Variants in GRID1 observed in about 807,000 individuals in gnomAD.
GRID1 encodes the protein glutamate receptor ionotropic, delta-1.
Under a neutral mutation model 98.0 loss-of-function variants are expected in GRID1, and 28 were observed. The ratio of observed to expected loss-of-function variants is 0.29; its 90% CI spans 0.21 to 0.39. The LOEUF (loss-of-function observed/expected upper bound fraction) is 0.39, where lower values mean the gene tolerates loss of function less well. GRID1 is among the 10% of genes least tolerant of loss of function. GRID1 has a pLI of 1.00. For missense variants in GRID1, 1,111 were observed against 1,340.5 expected, an observed-to-expected ratio of 0.83 and a Z score of 2.67; for synonymous variants, 553 against 538.5, an observed-to-expected ratio of 1.03 and a Z score of -0.37.
chr10:85,755,717 G>A (rs1393357120), intron 8 of GRID1, among the ~76,000 whole-genome samples: 1 of 152,096 alleles, frequency 6.6e-6, no homozygotes, highest in African/African-American at 2.4e-5. Context: ...ACTCTGCTGG[G>A]GCCATAAGCA....
chr10:86,242,550 T>A (rs530646682), intron 2 of GRID1, among the ~76,000 whole-genome samples: 1 of 152,300 alleles, frequency 6.6e-6, no homozygotes, highest in East Asian at 1.9e-4. Context: ...CAGGGGGTAC[T>A]TTTAAAACTT....
chr10:85,686,658 T>C (rs975360475), intron 12 of GRID1, among the ~76,000 whole-genome samples: 1 of 152,106 alleles, frequency 6.6e-6, no homozygotes, highest in African/African-American at 2.4e-5. Flanking sequence ...ATGATACATA[T>C]ATTAAATATA....
At chr10:86,253,532 G>A (rs1032753652) in intron 2 of GRID1, among the ~76,000 whole-genome samples, 3 of 152,094 alleles carry the variant, frequency 2.0e-5, no homozygotes, top group South Asian at 2.1e-4. Flanking sequence ...GTACATTGCC[G>A]CTCCCCAGCC....
chr10:86,289,871 G>A (rs35332217), intron 2 of GRID1, among the ~76,000 whole-genome samples: 15,947 of 152,262 alleles, frequency 0.1, 981 homozygotes, highest in Middle Eastern at 0.17. Flanking sequence ...TACTTGTGCT[G>A]AGACTGTGGA....
chr10:85,973,686 C>G (rs1469313964), intron 4 of GRID1, among the ~76,000 whole-genome samples: 1 of 152,114 alleles, frequency 6.6e-6, no homozygotes, highest in Non-Finnish European at 1.5e-5. Flanking sequence ...TAATAAGACA[C>G]TGAATGGAAA....
chr10:85,820,310 G>T (rs564375706), intron 8 of GRID1, among the ~76,000 whole-genome samples: 73 of 152,188 alleles, frequency 4.8e-4, no homozygotes, highest in African/African-American at 1.6e-3. Context: ...GGAGGAAAGA[G>T]CCACGATGAC....
intron 3 of GRID1, among the ~76,000 whole-genome samples, chr10:86,197,735 A>G (rs532643092): frequency 2.4e-4 from 37 of 151,990 alleles, no homozygotes; most frequent in Non-Finnish European, 5.3e-4. Context: ...GCATCTCCTC[A>G]TGTCTCCAGA....
intron 2 of GRID1, among the ~76,000 whole-genome samples, chr10:86,313,406 G>A (rs1212116772): frequency 2.0e-5 from 3 of 152,136 alleles, no homozygotes; most frequent in Non-Finnish European, 4.4e-5. Context: ...ACTAATTTAT[G>A]GGTCTGGAAT....
Position 86,348,178 on chromosome 10 carries a change from C to A in GRID1, c.235+15763G>T, listed in dbSNP as rs554951752. On this transcript the variant is annotated intron_variant, in intron 2 of 15. Coordinates refer to ENST00000327946, the MANE Select transcript of GRID1 (RefSeq NM_017551.3). ...ACTTGTCAGAGGTCCAGTCAGGCAG[C>A]CACTCAACAAACATTTGCTCCACCC... Among the ~76,000 whole-genome samples the A allele has an allele frequency of 3.9e-5, 6 of 152,306 alleles. No individual in the cohort carries two copies. In the South Asian group the frequency reaches 1.2e-3, roughly 32 times the overall value.
intron 5 of GRID1, among the ~76,000 whole-genome samples, chr10:85,889,125 C>A (rs945062802): frequency 1.3e-5 from 2 of 152,264 alleles, no homozygotes; most frequent in South Asian, 4.1e-4. Flanking sequence ...CTTTGCCTGG[C>A]ATTTGGAGGG....
intron 4 of GRID1, among the ~76,000 whole-genome samples, chr10:85,985,327 G>A (rs1842595716): frequency 6.6e-6 from 1 of 152,116 alleles, no homozygotes; most frequent in Admixed American, 6.5e-5. Context: ...AAAGTCCAGG[G>A]CATTTTCTGC....
intron 3 of GRID1, among the ~76,000 whole-genome samples, chr10:86,199,694 G>T (rs1845921392): frequency 6.6e-6 from 1 of 152,278 alleles, no homozygotes; most frequent in East Asian, 1.9e-4. Flanking sequence ...TTACCCGCTG[G>T]CATGACGCCT....
At chr10:86,266,409 A>C (rs1372181848) in intron 2 of GRID1, among the ~76,000 whole-genome samples, 1 of 151,850 alleles carries the variant, frequency 6.6e-6, no homozygotes. Context: ...ACCACATCTG[A>C]CCCCCAAATA....
At chr10:85,688,633 C>T (rs1323098575) in intron 12 of GRID1, among the ~76,000 whole-genome samples, 1 of 152,246 alleles carries the variant, frequency 6.6e-6, no homozygotes, top group Non-Finnish European at 1.5e-5. Flanking sequence ...AGGCATTCTG[C>T]ATCTCTAGAT....
At chr10:86,093,252 T>C (rs1454268954) in intron 4 of GRID1, among the ~76,000 whole-genome samples, 2 of 152,270 alleles carry the variant, frequency 1.3e-5, no homozygotes, top group East Asian at 1.9e-4. Flanking sequence ...GGAAAGTTCA[T>C]AGCCCTTAAT....
intron 2 of GRID1, among the ~76,000 whole-genome samples, chr10:86,273,940 G>T (rs966155938): frequency 6.3e-4 from 95 of 151,180 alleles, no homozygotes; most frequent in Admixed American, 8.6e-4. Flanking sequence ...GTCAATTTTG[G>T]CTTTTGTTGC....
intron 4 of GRID1, among the ~76,000 whole-genome samples, chr10:85,941,407 T>C (rs1458175940): frequency 6.6e-6 from 1 of 152,222 alleles, no homozygotes; most frequent in African/African-American, 2.4e-5. Flanking sequence ...GTTGAATATA[T>C]GCATATCTAT....
chr10:85,998,060 C>T (rs1177803684), intron 4 of GRID1, among the ~76,000 whole-genome samples: 1 of 152,088 alleles, frequency 6.6e-6, no homozygotes, highest in African/African-American at 2.4e-5. Flanking sequence ...TAGACTCCAA[C>T]ACAACTTTCT....
chr10:85,677,508 T>C (rs547665231), intron 12 of GRID1, among the ~76,000 whole-genome samples: 2 of 152,350 alleles, frequency 1.3e-5, no homozygotes, highest in East Asian at 3.9e-4. Flanking sequence ...CATATAGTTG[T>C]CTCTATTAAC....
Sources: gnomAD v4.1 joint callset for allele counts (sites outside exome capture counted in the v4.1 genomes callset) on GRCh38, gnomAD v4.1.1 for gene constraint, MANE v1.5 for transcripts, NCBI Gene and HGNC (gene_info 2026-07-23, HGNC 2026-07-21) for gene names.